The following STAM2 variants were observed in gnomAD, a reference collection of about 807,000 sequenced individuals.
STAM2 encodes signal transducing adapter molecule 2.
Under a neutral mutation model 65.6 loss-of-function variants are expected in STAM2, and 51 were observed. The observed-to-expected ratio is 0.78, with a 90% CI of 0.62 to 0.98. The LOEUF (loss-of-function observed/expected upper bound fraction) is 0.98. Among genes scored for constraint, STAM2 ranks in the 50% least tolerant of loss-of-function variants. The pLI is 0.00. For synonymous variants in STAM2, 198 were observed against 208.4 expected, an observed-to-expected ratio of 0.95 and a Z score of 0.43; for missense variants, 584 against 617.8, an observed-to-expected ratio of 0.95 and a Z score of 0.58.
chr2:152,144,151 G>T, intron 6 of STAM2, 138 bp from the exon 7 acceptor site: 1 of 660,724 alleles, frequency 1.5e-6, no homozygotes, highest in Non-Finnish European at 2.5e-6. Flanking sequence ...CTTTCGGGAG[G>T]GTGGGGCAGG....
chr2:152,156,427 T>C (rs985949524), intron 1 of STAM2, among the ~76,000 whole-genome samples: 4 of 152,230 alleles, frequency 2.6e-5, no homozygotes, highest in African/African-American at 4.8e-5. Flanking sequence ...CATTCTTTTA[T>C]AGCATGTCAC....
intron 1 of STAM2, among the ~76,000 whole-genome samples, chr2:152,158,455 G>T (rs1004588465): frequency 6.6e-6 from 1 of 151,744 alleles, no homozygotes; most frequent in Non-Finnish European, 1.5e-5. Context: ...CAACCTGGGC[G>T]ACAGAGCAAG....
Position 152,120,395 on chromosome 2 carries a change from GA to G in STAM2, c.*178del, listed in dbSNP as rs58778946. On this transcript the variant is annotated 3_prime_UTR_variant, in exon 14 of 14. Coordinates refer to ENST00000263904, the MANE Select transcript of STAM2 (RefSeq NM_005843.6). ...AGATTGACTTCAAACAAACTGGACT[GA>G]AAAAAAAAAAAAAAAAAAACCTTTT... The G allele has an allele frequency of 0.24, 72,290 of 303,560 alleles. 1,709 individuals carry two copies. The highest frequency in any genetic ancestry group is 0.28 in the East Asian group (5,664 of 19,936). The allele number at this position is 303,560 out of a possible 1,614,324, so 18.8% of individuals were successfully genotyped here.
chr2:152,160,064 G>T (rs531611330), intron 1 of STAM2, among the ~76,000 whole-genome samples: 2 of 152,330 alleles, frequency 1.3e-5, no homozygotes, highest in African/African-American at 4.8e-5. Context: ...GCAGTGGCGT[G>T]ATCTCGGCTG....
Position 152,117,698 on chromosome 2 carries a change from CAG to C in STAM2, c.*2874_*2875del, listed in dbSNP as rs1688773785. 1.3e-5 allele frequency: 2 copies of C among 152,058 alleles called. No homozygotes were observed. Among genetic ancestry groups the C allele is most frequent in the Non-Finnish European group, 2.9e-5 (2 of 67,996 alleles). The allele number at this position is 152,058 out of a possible 1,614,324, so 9.4% of individuals were successfully genotyped here. On this transcript the variant is annotated 3_prime_UTR_variant, in exon 14 of 14. Transcript: ENST00000263904. ...ATTCAATAAGCCCTCTCCTAGAACT[CAG>C]GGGCTTTTAAATTTATGTTTTTACT...
intron 1 of STAM2, among the ~76,000 whole-genome samples, chr2:152,165,241 C>T (rs1250580923): frequency 6.6e-6 from 1 of 151,902 alleles, no homozygotes; most frequent in Non-Finnish European, 1.5e-5. Context: ...CTGGCTAACA[C>T]AGCGAAACCT....
At chr2:152,154,137 T>G (rs1689498725) in intron 1 of STAM2, among the ~76,000 whole-genome samples, 1 of 152,108 alleles carries the variant, frequency 6.6e-6, no homozygotes, top group African/African-American at 2.4e-5. Context: ...GCCTTAGCAC[T>G]AGAGAGGGGA....
chr2:152,132,111 C>G lies in STAM2; in HGVS notation c.1025+3G>C, dbSNP rs1198467763. The G allele has an allele frequency of 6.2e-7, 1 of 1,610,224 alleles. No homozygotes were observed. The highest frequency in any genetic ancestry group is 1.7e-5 in the Admixed American group (1 of 59,940). ...CTTTTTATTCCTGCACGAAAAATCTCACCTATCAATTTCTTCAAGTTTTTC... is the reference window on the plus strand; with the variant it reads ...CTTTTTATTCCTGCACGAAAAATCTGACCTATCAATTTCTTCAAGTTTTTC... On this transcript the variant is annotated splice_donor_region_variant and intron_variant, in intron 11 of 13. Transcript: ENST00000263904.
intron 1 of STAM2, among the ~76,000 whole-genome samples, chr2:152,163,159 A>G (rs1209813784): frequency 6.6e-6 from 1 of 152,226 alleles, no homozygotes; most frequent in African/African-American, 2.4e-5. Flanking sequence ...TTGTTGCAAG[A>G]AGTCAGGGAC....
In STAM2 at chr2:152,175,734, C is replaced by T; in HGVS notation, c.-92G>A. On this transcript the variant is annotated 5_prime_UTR_variant, in exon 1 of 14. Transcript: ENST00000263904. ...GACCCGCGGCCGCGGCTCCCTAGACCGCTCCGCTTCGGCCTCCGTCCCTGC... is the reference window on the plus strand; with the variant it reads ...GACCCGCGGCCGCGGCTCCCTAGACTGCTCCGCTTCGGCCTCCGTCCCTGC... The T allele has an allele frequency of 1.4e-6, 2 of 1,388,606 alleles. No homozygotes were observed. The highest frequency in any genetic ancestry group is 1.8e-4 in the Middle Eastern group (1 of 5,436). 86.0% of individuals were successfully genotyped at this position (1,388,606 alleles called of 1,614,324 possible).
Position 152,119,125 on chromosome 2 carries a change from T to A in STAM2, c.*1449A>T, listed in dbSNP as rs965079764. On this transcript the variant is annotated 3_prime_UTR_variant, in exon 14 of 14. Transcript: ENST00000263904. ...GAAATCTTGCTTCCACGTAACTTTT[T>A]AAAAACTAATGTCCATTGTTTTTCC... 5 of 152,240 alleles carry A rather than the reference T, an allele frequency of 3.3e-5. No individual in the cohort carries two copies. The highest frequency in any genetic ancestry group is 5.9e-5 in the Non-Finnish European group (4 of 68,026). The allele number at this position is 152,240 out of a possible 1,614,324, so 9.4% of individuals were successfully genotyped here. A position where few individuals can be genotyped will look rare whatever the true frequency, so the allele number is the denominator to read the frequency against.
chr2:152,118,361 T>C lies in STAM2; in HGVS notation c.*2213A>G, dbSNP rs1354896474. ...ACAGCCTGCAACACAAAATTACATA[T>C]GGCAAAAAATAATTTTTAACTTGAG... On this transcript the variant is annotated 3_prime_UTR_variant, in exon 14 of 14. Coordinates refer to ENST00000263904, the MANE Select transcript of STAM2 (RefSeq NM_005843.6). 1 of 151,256 alleles carries C rather than the reference T, an allele frequency of 6.6e-6. No homozygotes were observed. The highest frequency in any genetic ancestry group is 1.5e-5 in the Non-Finnish European group (1 of 67,796). The allele number at this position is 151,256 out of a possible 1,614,324, so 9.4% of individuals were successfully genotyped here.
At chr2:152,145,453 A>G (rs1689320709) in intron 5 of STAM2, among the ~76,000 whole-genome samples, 1 of 152,266 alleles carries the variant, frequency 6.6e-6, no homozygotes, top group South Asian at 2.1e-4. Context: ...AAAACATTAT[A>G]AACTCACACA....
At chr2:152,146,099 G>A (rs1246522032) in intron 5 of STAM2, among the ~76,000 whole-genome samples, 4 of 151,464 alleles carry the variant, frequency 2.6e-5, no homozygotes, top group Admixed American at 6.6e-5. Flanking sequence ...GTGAAACCCC[G>A]TCTCTACTAA....
chr2:152,141,269 C>T (rs1689241739), intron 7 of STAM2, among the ~76,000 whole-genome samples: 1 of 152,036 alleles, frequency 6.6e-6, no homozygotes, highest in Non-Finnish European at 1.5e-5. Context: ...GGCACAGTGG[C>T]TCACGCCTGT....
intron 6 of STAM2, 65 bp from the exon 7 acceptor site, chr2:152,144,078 C>T: frequency 8.4e-7 from 1 of 1,189,418 alleles, no homozygotes; most frequent in Non-Finnish European, 1.1e-6. Context: ...CATTAGATGA[C>T]AATGTAAAAT....
intron 1 of STAM2, among the ~76,000 whole-genome samples, chr2:152,162,175 T>C (rs1689691632): frequency 1.3e-5 from 2 of 152,218 alleles, no homozygotes; most frequent in South Asian, 4.1e-4. Context: ...GAGTACTGAA[T>C]GACAGATAGC....
At position 152,119,169 on chromosome 2, in the gene STAM2, A is replaced by C. The variant is rs1172493792; in HGVS notation, c.*1405T>G. Reference sequence around the variant, plus strand: ...TTTTTCCCAATCTGAATATGTTTCCATACATGTATGTATTTGCAATTTCTA... The same window carrying C: ...TTTTTCCCAATCTGAATATGTTTCCCTACATGTATGTATTTGCAATTTCTA... On this transcript the variant is annotated 3_prime_UTR_variant, in exon 14 of 14. Coordinates refer to ENST00000263904, the MANE Select transcript of STAM2 (RefSeq NM_005843.6). 1.3e-5 allele frequency: 2 copies of C among 152,214 alleles called. No homozygotes were observed. Among genetic ancestry groups the C allele is most frequent in the African/African-American group, 2.4e-5 (1 of 41,460 alleles). 9.4% of individuals were successfully genotyped at this position (152,214 alleles called of 1,614,324 possible).
In STAM2 at chr2:152,143,959, A is replaced by G; in HGVS notation, c.572T>C (p.Leu191Ser). ...TAACTGAATTTCTGAAGATGGATATAAGGATTTTGTTTCTGTGTGTTGCTG... is the reference window on the plus strand; with the variant it reads ...TAACTGAATTTCTGAAGATGGATATGAGGATTTTGTTTCTGTGTGTTGCTG... The part of the protein sequence containing the change: ...QKQQHTETKS[L>S]YPSSEIQLNN... Residue 191 changes from leucine to serine, a missense_variant, in exon 7 of 14, where the codon TTA becomes TCA. By Grantham distance (145) the Leu-to-Ser change is moderately radical. Coordinates refer to ENST00000263904, the MANE Select transcript of STAM2 (RefSeq NM_005843.6). 1 of 1,613,686 alleles carries G rather than the reference A, an allele frequency of 6.2e-7. No homozygotes were observed.
Sources: allele counts gnomAD v4.1 joint callset (sites outside exome capture counted in the v4.1 genomes callset), GRCh38; gene constraint gnomAD v4.1.1; transcripts MANE v1.5; gene names NCBI Gene and HGNC (gene_info 2026-07-23, HGNC 2026-07-21).